Variants in NOL6 observed in about 807,000 individuals in gnomAD.
NOL6 encodes the protein nucleolar protein 6, also known as nucleolar RNA-associated protein.
A neutral mutation model predicts 131.7 loss-of-function variants in NOL6; 33 were observed. The ratio of observed to expected loss-of-function variants is 0.25; its 90% confidence interval spans 0.19 to 0.33. The LOEUF is 0.33. Ranked by LOEUF, NOL6 falls within the 10% of genes least tolerant of loss-of-function variation. NOL6 has a pLI of 1.00. For missense variants in NOL6, 1,297 were observed against 1,494.5 expected (o/e 0.87, Z 2.18); for synonymous variants, 580 against 605.7 (o/e 0.96, Z 0.62).
At position 33,466,411 on chromosome 9, in the gene NOL6, A is replaced by C. The variant is rs754223641; in HGVS notation, c.2106T>G (p.Thr702=). The change falls in exon 17 of 26, where the codon ACT becomes ACG. Residue 702 remains threonine, a synonymous_variant. Coordinates refer to ENST00000297990, the MANE Select transcript of NOL6 (RefSeq NM_022917.5). ...AGAAGGAGAAGGCTGGACGGACTGG[A>C]GTTGGTGGGAACACCTGTGGAAGAA... ...VLRYTEVFPP[T]PVRPAFSFYE... is the part of the protein sequence containing the mutation. 3.7e-6 allele frequency: 6 copies of C among 1,614,054 alleles called. No individual in the cohort carries two copies. Among genetic ancestry groups the C allele is most frequent in the African/African-American group, 1.3e-5 (1 of 74,928 alleles).
intron 2 of NOL6, 37 bp from the exon 3 acceptor site, chr9:33,472,157 G>C: frequency 3.7e-6 from 6 of 1,613,046 alleles, no homozygotes; most frequent in Non-Finnish European, 4.2e-6. Context: ...ATCAGCCTCA[G>C]GGTCCCAGGT....
In NOL6 at chr9:33,468,544, G is replaced by T; in HGVS notation, c.1170C>A (p.Asn390Lys). Residue 390 changes from asparagine (N) to lysine (K), a missense_variant, in exon 9 of 26, where the codon AAC becomes AAA. By Grantham distance (94) the Asn-to-Lys change is moderately conservative. Transcript: ENST00000297990. The part of the protein sequence containing the change: ...QFLATTDLTV[N>K]GISLCLSSDP... Reference sequence around the variant, plus strand: ...CTGAGCTGAGACATAAACTGATCCCGTTGACTGTCAGGTCTGTAGTGGCTG... The same window carrying T: ...CTGAGCTGAGACATAAACTGATCCCTTTGACTGTCAGGTCTGTAGTGGCTG... 6.2e-7 allele frequency: 1 copy of T among 1,614,134 alleles called. No homozygotes were observed. The highest frequency in any genetic ancestry group is 8.5e-7 in the Non-Finnish European group (1 of 1,180,008).
Position 33,467,449 on chromosome 9 carries a change from C to G in NOL6, c.1670G>C (p.Arg557Pro). ...AAGGACGCTGGTCAGTCCCTCAGGC[C>G]GGAGAAGGAGTCCCAGGGTCAGGGT... The part of the protein sequence containing the change: ...SGTLTLGLLL[R>P]PEGLTSVLEL... The change falls in exon 13 of 26, where the codon CGG (arginine) becomes CCG (proline). Residue 557 changes from arginine (R) to proline (P), a missense_variant. Coordinates refer to ENST00000297990, the MANE Select transcript of NOL6 (RefSeq NM_022917.5). The surrounding 1 kb of genome is among the most constrained non-coding windows in gnomAD (Gnocchi z 4.4). 6.2e-7 allele frequency: 1 copy of G among 1,614,174 alleles called. No homozygotes were observed. Among genetic ancestry groups the G allele is most frequent in the African/African-American group, 1.3e-5 (1 of 75,040 alleles).
rs1827183193 is a variant in NOL6, at chr9:33,464,313, C to CGA, written c.2780-153_2780-152insTC. 122 of 1,019,450 alleles carry CGA rather than the reference C, an allele frequency of 1.2e-4. No homozygotes were observed. In the South Asian group the frequency reaches 2.1e-3, roughly 17 times the overall value. The allele number at this position is 1,019,450 out of a possible 1,614,324, so 63.2% of individuals were successfully genotyped here. A position where few individuals can be genotyped will look rare whatever the true frequency, so the allele number is the denominator to read the frequency against. ...CAAGTGGCAAAGGTGACGAAAGGGA[C>CGA]ATCGCATTTGCCTCAACTGGGTGGG... On this transcript the variant is annotated intron_variant, in intron 21 of 25. Transcript: ENST00000297990.
intron 10 of NOL6, 50 bp downstream of exon 10, chr9:33,468,269 CAG>C: frequency 2.5e-6 from 4 of 1,609,792 alleles, no homozygotes; most frequent in Non-Finnish European, 3.4e-6. Context: ...GCAAAAGGGA[CAG>C]AGTCTGGGCT....
At chr9:33,473,731 C>T in intron 1 of NOL6, 58 bp downstream of exon 1, 4 of 1,588,166 alleles carry the variant, frequency 2.5e-6, no homozygotes, top group Non-Finnish European at 3.4e-6. Context: ...CCATCTCGGG[C>T]CCTGCAGCCA....
At chr9:33,469,422 G>C (rs570247389) in intron 5 of NOL6, 77 bp downstream of exon 5, 1 of 1,604,942 alleles carries the variant, frequency 6.2e-7, no homozygotes, top group African/African-American at 1.3e-5. Flanking sequence ...CCATACTTGA[G>C]GCCTCCGTGC....
At position 33,463,399 on chromosome 9, in the gene NOL6, G is replaced by C. The variant is rs778777945; in HGVS notation, c.3037C>G (p.Arg1013Gly). The C allele has an allele frequency of 6.2e-7, 1 of 1,613,938 alleles. No homozygotes were observed. Among genetic ancestry groups the C allele is most frequent in the Non-Finnish European group, 8.5e-7 (1 of 1,179,898 alleles). ...PPLDIYDVLI[R>G]LSPRHIPRHR... ...CGCGGGATATGGCGAGGAGACAGGCGAATCAGCACGTCGTAAATGTCCAAG... is the reference window on the plus strand; with the variant it reads ...CGCGGGATATGGCGAGGAGACAGGCCAATCAGCACGTCGTAAATGTCCAAG... Residue 1013 changes from arginine (R) to glycine (G), a missense_variant, in exon 24 of 26, where the codon CGC (arginine) becomes GGC (glycine). By Grantham distance (125) the Arg-to-Gly change is moderately radical (BLOSUM62 -2). Transcript: ENST00000297990.
intron 9 of NOL6, 41 bp downstream of exon 9, chr9:33,468,467 T>C: frequency 6.2e-7 from 1 of 1,613,772 alleles, no homozygotes; most frequent in Non-Finnish European, 8.5e-7. Context: ...GCACCTTACT[T>C]GCAGGCCTCC....
chr9:33,465,373 G>C lies in NOL6; in HGVS notation c.2529-14C>G. 2 of 1,576,890 alleles carry C rather than the reference G, an allele frequency of 1.3e-6. No individual in the cohort carries two copies. The highest frequency in any genetic ancestry group is 1.3e-5 in the African/African-American group (1 of 74,150). ...TGCTGCTGCAGTCTGCAGAGAGAAGGGGAGTGTCAGCGAGACTCAGGGCCC... is the reference window on the plus strand; with the variant it reads ...TGCTGCTGCAGTCTGCAGAGAGAAGCGGAGTGTCAGCGAGACTCAGGGCCC... On this transcript the variant is annotated splice_polypyrimidine_tract_variant and intron_variant, in intron 19 of 25. Transcript: ENST00000297990.
Position 33,467,228 on chromosome 9 carries a change from G to A in NOL6, c.1760C>T (p.Ser587Leu), listed in dbSNP as rs145177147. The change falls in exon 14 of 26, where the codon TCG (serine) becomes TTG (leucine). Residue 587 changes from serine to leucine, a missense_variant. Ser to Leu is a moderately radical substitution (Grantham distance 145, BLOSUM62 -2). Coordinates refer to ENST00000297990, the MANE Select transcript of NOL6 (RefSeq NM_022917.5). This position sits in a 1 kb window ranked among gnomAD's most constrained non-coding sequence, Gnocchi z 4.4. ...AKFRQFWGSR[S>L]ELRRFQDGAI... ...TCCGTCCTGGAAACGCCGAAGCTCC[G>A]AGCGGGATCCCCAGAACTGGCGGAA... 1,333 of 1,614,044 alleles carry A rather than the reference G, an allele frequency of 8.3e-4. 2 individuals carry two copies. Among genetic ancestry groups the A allele is most frequent in the Non-Finnish European group, 1.0e-3 (1,178 of 1,180,036 alleles).
Position 33,463,871 on chromosome 9 carries a change from T to C in NOL6, c.2954A>G (p.Glu985Gly). 1.2e-6 allele frequency: 2 copies of C among 1,614,116 alleles called. No homozygotes were observed. Among genetic ancestry groups the C allele is most frequent in the Middle Eastern group, 1.7e-4 (1 of 6,060 alleles). The stretch of plus-strand genomic sequence containing the variant: ...TCCCCGGGGATCCATGAGCTGCTTC[T>C]CTAACATGGGCAGGGCTTCAGCTGC... ...VLAAEALPMLEKQLMDPRGPG... is the reference protein window; with the variant it reads ...VLAAEALPMLGKQLMDPRGPG... Residue 985 changes from glutamate to glycine, a missense_variant, in exon 23 of 26, where the codon GAG becomes GGG. Transcript: ENST00000297990.
Position 33,469,222 on chromosome 9 carries a change from T to G in NOL6, c.847A>C (p.Ser283Arg). 6.2e-7 allele frequency: 1 copy of G among 1,614,224 alleles called. No homozygotes were observed. The highest frequency in any genetic ancestry group is 1.1e-5 in the South Asian group (1 of 91,086). ...GCCTGCTCACCATCCCCTGCAGGAC[T>G]CTGCCCTCGGTACCAGGCAGAGCGC... ...NVRSAWYRGQSPAGDGSPEPP... is the reference protein window; with the variant it reads ...NVRSAWYRGQRPAGDGSPEPP... Residue 283 changes from serine (S) to arginine (R), a missense_variant, in exon 6 of 26, where the codon AGT becomes CGT. Ser to Arg is a moderately radical substitution (Grantham distance 110, BLOSUM62 -1). Coordinates refer to ENST00000297990, the MANE Select transcript of NOL6 (RefSeq NM_022917.5).
chr9:33,470,859 C>CA (rs1480605117), intron 3 of NOL6, among the ~76,000 whole-genome samples: 8 of 151,628 alleles, frequency 5.3e-5, no homozygotes, highest in African/African-American at 1.7e-4. Context: ...CACCATTTCT[C>CA]AGTGCCTAGA....
In NOL6 at chr9:33,462,040, C is replaced by G; in HGVS notation, c.*624G>C. The G allele has an allele frequency of 1.5e-6, 1 of 686,732 alleles. No individual in the cohort carries two copies. The highest frequency in any genetic ancestry group is 2.7e-5 in the East Asian group (1 of 36,832). 42.5% of individuals were successfully genotyped at this position (686,732 alleles called of 1,614,324 possible). On this transcript the variant is annotated 3_prime_UTR_variant, in exon 26 of 26. Coordinates refer to ENST00000297990, the MANE Select transcript of NOL6 (RefSeq NM_022917.5). ...CCAGTCCCCTGACCCCTTCACCTAC[C>G]CAATCCTTTCCTGTCCTCGGTTCTT...
intron 25 of NOL6, 33 bp downstream of exon 25, chr9:33,463,000 A>G: frequency 1.9e-6 from 3 of 1,596,376 alleles, no homozygotes; most frequent in Non-Finnish European, 2.6e-6. Context: ...ACGTGCACAC[A>G]CTCAGGAACA....
intron 16 of NOL6, 41 bp from the exon 17 acceptor site, chr9:33,466,466 G>C (rs1827246363): frequency 3.1e-6 from 5 of 1,612,546 alleles, no homozygotes; most frequent in Non-Finnish European, 4.2e-6. Context: ...CTAGGACTGG[G>C]AGGGAGTGCC....
At chr9:33,463,166 G>A (rs1827143892) in intron 24 of NOL6, 32 bp from the exon 25 acceptor site, 1 of 1,608,058 alleles carries the variant, frequency 6.2e-7, no homozygotes, top group African/African-American at 1.3e-5. Context: ...AAGATTATAG[G>A]CAGGCATTTA....
chr9:33,463,625 G>A (rs752250431), intron 23 of NOL6, among the ~76,000 whole-genome samples, 184 bp from the exon 24 acceptor site: 15 of 152,222 alleles, frequency 9.9e-5, no homozygotes, highest in Non-Finnish European at 2.2e-4. Context: ...TAGCCCGGCA[G>A]AAGGAGCACA....
Sources: allele counts gnomAD v4.1 joint callset (sites outside exome capture counted in the v4.1 genomes callset), GRCh38; gene constraint gnomAD v4.1.1; non-coding constraint Gnocchi (gnomAD v3.1); transcripts MANE v1.5; gene names NCBI Gene and HGNC (gene_info 2026-07-23, HGNC 2026-07-21).